MGAT4C: variants seen among roughly 807,000 people sequenced by gnomAD.
MGAT4C encodes alpha-1,3-mannosyl-glycoprotein 4-beta-N-acetylglucosaminyltransferase C.
Under a neutral mutation model 40.1 loss-of-function variants are expected in MGAT4C, and 19 were observed. That is an observed-to-expected ratio of 0.47 (90% CI 0.33 to 0.70). The LOEUF (loss-of-function observed/expected upper bound fraction) is 0.70. Among genes scored for constraint, MGAT4C ranks in the 30% least tolerant of loss-of-function variants. The pLI, the probability that MGAT4C is intolerant of heterozygous loss-of-function variation, is 0.02. For synonymous variants in MGAT4C, 181 were observed against 187.1 expected (o/e 0.97, Z 0.27); for missense variants, 491 against 563.2 (o/e 0.87, Z 1.30).
chr12:86,659,895 T>C (rs1963939149), intron 2 of MGAT4C, among the ~76,000 whole-genome samples: 2 of 151,204 alleles, frequency 1.3e-5, no homozygotes, highest in South Asian at 4.2e-4. Context: ...GGGAATTAAA[T>C]GCTGGTCTCT....
chr12:86,027,110 G>A (rs531501926), intron 2 of MGAT4C, among the ~76,000 whole-genome samples: 2 of 151,872 alleles, frequency 1.3e-5, no homozygotes, highest in East Asian at 1.9e-4. Flanking sequence ...AAGAAATAAC[G>A]AATTTTTCAC....
rs568984109 is a variant in MGAT4C, at chr12:86,820,050, T to G, written c.-262+18616A>C. 1.3e-3 allele frequency among the ~76,000 whole-genome samples: 198 copies of G among 150,982 alleles called. 3 individuals carry two copies. The highest frequency in any genetic ancestry group is 1.9e-3 in the Admixed American group (28 of 15,072). Reference sequence around the variant, plus strand: ...GAGGAAATATATTTTATTTTTTATTTTTGTTTACAATATGGAAAGCAAATA... The same window carrying G: ...GAGGAAATATATTTTATTTTTTATTGTTGTTTACAATATGGAAAGCAAATA... On this transcript the variant is annotated intron_variant, in intron 1 of 7. Coordinates refer to the MGAT4C transcript ENST00000548651.
At chr12:86,818,311 T>C (rs989126881) in intron 1 of MGAT4C, among the ~76,000 whole-genome samples, 1 of 151,112 alleles carries the variant, frequency 6.6e-6, no homozygotes, top group Non-Finnish European at 1.5e-5. Flanking sequence ...AGAATAAATA[T>C]AACAAATTTG....
chr12:86,589,412 T>C (rs1360281789), intron 2 of MGAT4C, among the ~76,000 whole-genome samples: 1 of 152,064 alleles, frequency 6.6e-6, no homozygotes, highest in African/African-American at 2.4e-5. Flanking sequence ...CAATAATCAA[T>C]ACCTTACCAA....
At chr12:86,835,148 C>A (rs1953011138) in intron 1 of MGAT4C, among the ~76,000 whole-genome samples, 1 of 151,744 alleles carries the variant, frequency 6.6e-6, no homozygotes, top group Admixed American at 6.6e-5. Flanking sequence ...CCATATAACT[C>A]AGAATCTTAA....
chr12:85,993,434 T>C (rs1161519140), intron 2 of MGAT4C, among the ~76,000 whole-genome samples: 1 of 152,196 alleles, frequency 6.6e-6, no homozygotes, highest in Non-Finnish European at 1.5e-5. Context: ...CAGGTTTGCA[T>C]ACTGCAAGGC....
At chr12:86,566,514 C>G (rs1198966610) in intron 2 of MGAT4C, among the ~76,000 whole-genome samples, 2 of 105,262 alleles carry the variant, frequency 1.9e-5, no homozygotes, top group Non-Finnish European at 3.7e-5. Flanking sequence ...TGAGTTAATA[C>G]TTAGTAAACT....
At chr12:86,355,355 G>C (rs1215554320) in intron 3 of MGAT4C, among the ~76,000 whole-genome samples, 1 of 150,956 alleles carries the variant, frequency 6.6e-6, no homozygotes, top group East Asian at 1.9e-4. Flanking sequence ...TGGAGTCTCA[G>C]AAGGTTAGAA....
In MGAT4C at chr12:86,434,855, T is replaced by C. The variant is rs1339169510; in HGVS notation, c.-120+302A>G. On this transcript the variant is annotated intron_variant, in intron 3 of 7. Coordinates refer to the MGAT4C transcript ENST00000548651. ...TCAGAATACCAATCTTTCTTCCCTTTGTCCTGTCCAGAAGATCTACAGTAT... is the reference window on the plus strand; with the variant it reads ...TCAGAATACCAATCTTTCTTCCCTTCGTCCTGTCCAGAAGATCTACAGTAT... 2.0e-5 allele frequency among the ~76,000 whole-genome samples: 3 copies of C among 151,928 alleles called. No homozygotes were observed. The East Asian group carries it at 5.8e-4, about 29-fold the overall frequency.
At position 86,555,112 on chromosome 12, in the gene MGAT4C, C is replaced by T. The variant is rs1251382078; in HGVS notation, c.-228-119847G>A. Among the ~76,000 whole-genome samples the T allele has an allele frequency of 2.6e-5, 4 of 151,602 alleles. No homozygotes were observed. The East Asian group carries it at 7.8e-4, about 29-fold the overall frequency. On this transcript the variant is annotated intron_variant, in intron 2 of 7. Coordinates refer to the MGAT4C transcript ENST00000548651. ...TAAGGGGCTTGGTGACTTAATTGGG[C>T]CTATATGGATAATACTAGATAAACA...
intron 1 of MGAT4C, among the ~76,000 whole-genome samples, chr12:86,131,705 T>C (rs562042778): frequency 7.9e-5 from 12 of 151,124 alleles, no homozygotes; most frequent in Admixed American, 2.0e-4. Flanking sequence ...ATAATCAAGA[T>C]AGTAGTATCA....
At chr12:86,458,258 T>G (rs1957542452) in intron 2 of MGAT4C, among the ~76,000 whole-genome samples, 1 of 152,200 alleles carries the variant, frequency 6.6e-6, no homozygotes, top group Admixed American at 6.5e-5. Context: ...TTTTATGTTG[T>G]TCTACATCTC....
chr12:86,739,139 A>G (rs1450102594), intron 1 of MGAT4C, among the ~76,000 whole-genome samples: 2 of 140,804 alleles, frequency 1.4e-5, no homozygotes, highest in African/African-American at 5.3e-5. Context: ...TGTGCAAAAA[A>G]AAAAAAAAAA....
intron 2 of MGAT4C, among the ~76,000 whole-genome samples, chr12:86,612,620 A>C (rs957451694): frequency 6.6e-6 from 1 of 151,596 alleles, no homozygotes; most frequent in Non-Finnish European, 1.5e-5. Context: ...GGGCATCTGT[A>C]GTACCAGCTC....
intron 1 of MGAT4C, among the ~76,000 whole-genome samples, chr12:86,090,074 C>A (rs79077266): frequency 6.6e-6 from 1 of 151,482 alleles, no homozygotes; most frequent in Non-Finnish European, 1.5e-5. Flanking sequence ...TTTGAATATA[C>A]AATTATAATA....
intron 2 of MGAT4C, among the ~76,000 whole-genome samples, chr12:86,523,178 T>C (rs1446508463): frequency 6.6e-6 from 1 of 152,054 alleles, no homozygotes; most frequent in African/African-American, 2.4e-5. Flanking sequence ...TTGTGTGTGA[T>C]GTTAGGTTGC....
chr12:86,599,899 T>C (rs1961700202), intron 2 of MGAT4C, among the ~76,000 whole-genome samples: 1 of 152,184 alleles, frequency 6.6e-6, no homozygotes, highest in Non-Finnish European at 1.5e-5. Flanking sequence ...GGTACCTCCA[T>C]GAAGTACACA....
chr12:86,156,682 A>C (rs775075975), intron 1 of MGAT4C, among the ~76,000 whole-genome samples: 7 of 152,210 alleles, frequency 4.6e-5, no homozygotes, highest in African/African-American at 7.2e-5. Flanking sequence ...CCAGAGTATA[A>C]GGAACATAAA....
At chr12:86,326,399 C>T (rs995065419) in intron 4 of MGAT4C, among the ~76,000 whole-genome samples, 4 of 150,406 alleles carry the variant, frequency 2.7e-5, no homozygotes, top group African/African-American at 9.8e-5. Context: ...ACAATGTATA[C>T]CTATATTAAA....
Sources: gnomAD v4.1 joint callset for allele counts (sites outside exome capture counted in the v4.1 genomes callset) on GRCh38, gnomAD v4.1.1 for gene constraint, MANE v1.5 for transcripts, NCBI Gene and HGNC (gene_info 2026-07-23, HGNC 2026-07-21) for gene names.